The following SERPINF1 variants were observed in gnomAD, a reference collection of about 807,000 sequenced individuals.
SERPINF1 encodes the protein serpin family F member 1.
SERPINF1 carries 29 observed loss-of-function variants against 37.3 expected under a neutral mutation model. The ratio of observed to expected loss-of-function variants is 0.78; its 90% CI spans 0.58 to 1.06. The LOEUF is 1.06. SERPINF1 is among the 50% of genes least tolerant of loss of function. The pLI, the probability that SERPINF1 is intolerant of heterozygous loss-of-function variation, is 0.00. For synonymous variants in SERPINF1, 281 were observed against 227.9 expected (o/e 1.23, Z -2.10); for missense variants, 553 against 532.2 (o/e 1.04, Z -0.38).
At chr17:1,776,914 C>T (rs984811535) in intron 7 of SERPINF1, among the ~76,000 whole-genome samples, 172 bp downstream of exon 7, 1 of 151,494 alleles carries the variant, frequency 6.6e-6, no homozygotes, top group Non-Finnish European at 1.5e-5. Flanking sequence ...CTTCTCTCAT[C>T]AGACTCATTC....
In SERPINF1 at chr17:1,769,408, CA is replaced by C. The variant is rs36107647; in HGVS notation, c.85-428del. ...TGAGCGACAGAGCGAGACTCCGTCT[CA>C]AAAAAAAAAAAAAAAGTGGGTCATA... On this transcript the variant is annotated intron_variant, in intron 2 of 7. Transcript: ENST00000254722. Among the ~76,000 whole-genome samples the C allele has an allele frequency of 1.1e-3, 131 of 120,538 alleles. 1 individual carries two copies. The highest frequency in any genetic ancestry group is 2.2e-3 in the South Asian group (8 of 3,580). The allele number at this position is 120,538 out of a possible 152,430, so 79.1% of individuals were successfully genotyped here.
At position 1,773,931 on chromosome 17, in the gene SERPINF1, C is replaced by T. The variant is rs544506597; in HGVS notation, c.644-1127C>T. On this transcript the variant is annotated intron_variant, in intron 5 of 7. Transcript: ENST00000254722. ...GCGGCCCCCGAGCCTGGACAAAATC[C>T]AAACGGCTTCCTACTTCAAGCACTG... is the stretch of plus-strand genomic sequence containing the variant. Among the ~76,000 whole-genome samples, 7 of 152,280 alleles carry T rather than the reference C, an allele frequency of 4.6e-5. No homozygotes were observed. The East Asian group carries it at 1.4e-3, about 29-fold the overall frequency.
At chr17:1,767,794 G>T (rs949771458) in intron 2 of SERPINF1, among the ~76,000 whole-genome samples, 2 of 152,200 alleles carry the variant, frequency 1.3e-5, no homozygotes, top group African/African-American at 2.4e-5. Flanking sequence ...CTCAGTCTTT[G>T]CTTCCTTGCC....
At chr17:1,767,357 G>A (rs564442531) in intron 2 of SERPINF1, among the ~76,000 whole-genome samples, 2 of 152,268 alleles carry the variant, frequency 1.3e-5, no homozygotes, top group Admixed American at 1.3e-4. Context: ...GGTCAGGCTG[G>A]TCTCGAACTC....
At chr17:1,770,780 G>C (rs936724422) in intron 3 of SERPINF1, 2 of 482,026 alleles carry the variant, frequency 4.1e-6, no homozygotes, top group Non-Finnish European at 3.8e-6. Flanking sequence ...TAAGGGCTAT[G>C]ATGGGAGAAG....
intron 3 of SERPINF1, 193 bp from the exon 4 acceptor site, chr17:1,770,836 C>T (rs887547840): frequency 1.5e-5 from 10 of 654,742 alleles, no homozygotes; most frequent in African/African-American, 3.5e-5. Context: ...CCTTCCAGGC[C>T]TGATGCCTTT....
rs5008943 is a variant in SERPINF1 at position 1,772,157 on chromosome 17, T to C, written c.643+82T>C. 995,108 of 1,424,552 alleles carry C rather than the reference T, an allele frequency of 0.7. 350,615 individuals carry two copies. The highest frequency in any genetic ancestry group is 0.81 in the East Asian group (32,516 of 40,292). The allele number at this position is 1,424,552 out of a possible 1,614,324, so 88.2% of individuals were successfully genotyped here. ...AATTCGATGGAGTCTTACTCTGTAG[T>C]CCTAACTGGAGTGCAGTGGTGCGAT... On this transcript the variant is annotated intron_variant, in intron 5 of 7. Coordinates refer to ENST00000254722, the MANE Select transcript of SERPINF1 (RefSeq NM_002615.7).
At chr17:1,766,431 C>T (rs188429229) in intron 1 of SERPINF1, 1,750 of 152,302 alleles carry the variant, frequency 0.011, 35 homozygotes, top group African/African-American at 0.039. Flanking sequence ...TGGCAGGTGC[C>T]TGTAATTCCA....
In SERPINF1 at chr17:1,776,550, A is replaced by C. The variant is rs1401899879; in HGVS notation, c.805A>C (p.Thr269Pro). Residue 269 changes from threonine to proline, a missense_variant, in exon 7 of 8, where the codon ACC (threonine) becomes CCC (proline). Coordinates refer to ENST00000254722, the MANE Select transcript of SERPINF1 (RefSeq NM_002615.7). Reference protein sequence around the residue: ...LSCKIAQLPLTGSMSIIFFLP... With the variant: ...LSCKIAQLPLPGSMSIIFFLP... ...GTCTCAGATTGCCCAGCTGCCCTTG[A>C]CCGGAAGCATGAGTATCATCTTCTT... The C allele has an allele frequency of 6.2e-7, 1 of 1,613,946 alleles. No individual in the cohort carries two copies. Among genetic ancestry groups the C allele is most frequent in the South Asian group, 1.1e-5 (1 of 91,064 alleles).
In SERPINF1 at chr17:1,776,336, T is replaced by C. The variant is rs1382427854; in HGVS notation, c.787-196T>C. 2.7e-5 allele frequency: 17 copies of C among 633,052 alleles called. 1 individual carries two copies. In the South Asian group the frequency reaches 2.7e-4, roughly 10 times the overall value. 39.2% of individuals were successfully genotyped at this position (633,052 alleles called of 1,614,324 possible). On this transcript the variant is annotated intron_variant, in intron 6 of 7. Coordinates refer to ENST00000254722, the MANE Select transcript of SERPINF1 (RefSeq NM_002615.7). ...AAGGTAAGAAAGGCCAACAGCATCCTTTCTGAAGAAACCTCAGGAGATGGC... is the reference window on the plus strand; with the variant it reads ...AAGGTAAGAAAGGCCAACAGCATCCCTTCTGAAGAAACCTCAGGAGATGGC...
intron 4 of SERPINF1, chr17:1,771,594 A>C: frequency 2.0e-6 from 1 of 499,768 alleles, no homozygotes; most frequent in Non-Finnish European, 3.6e-6. Flanking sequence ...GGTGTGGAGG[A>C]AGGGCCCGTG....
At chr17:1,765,564 C>T (rs1253266241) in intron 1 of SERPINF1, among the ~76,000 whole-genome samples, 4 of 151,938 alleles carry the variant, frequency 2.6e-5, no homozygotes, top group African/African-American at 9.6e-5. Flanking sequence ...TCAGGCTATC[C>T]GCCTGCCTCA....
intron 6 of SERPINF1, among the ~76,000 whole-genome samples, chr17:1,775,792 C>T (rs1219552257): frequency 6.6e-6 from 1 of 152,186 alleles, no homozygotes; most frequent in Non-Finnish European, 1.5e-5. Flanking sequence ...CCTCGGTCTC[C>T]CAAAACACAG....
chr17:1,773,794 T>C (rs893666341), intron 5 of SERPINF1, among the ~76,000 whole-genome samples: 2 of 151,986 alleles, frequency 1.3e-5, no homozygotes, highest in African/African-American at 4.8e-5. Flanking sequence ...ACGGGTCTTG[T>C]GTGGGGCCAG....
rs1367785058 is a variant in SERPINF1, at chr17:1,777,221, C to T, written c.1032C>T (p.Ser344=). The change falls in exon 8 of 8, where the codon AGC becomes AGT. Residue 344 remains serine (S), a synonymous_variant. Transcript: ENST00000254722. ...CCTTGTTTGATTCACCAGACTTTAG[C>T]AAGATCACAGGCAAACCCATCAAGC... ...LQSLFDSPDF[S]KITGKPIKLT... 29 of 1,614,008 alleles carry T rather than the reference C, an allele frequency of 1.8e-5. No individual in the cohort carries two copies. Among genetic ancestry groups the T allele is most frequent in the Non-Finnish European group, 2.3e-5 (27 of 1,180,046 alleles).
intron 1 of SERPINF1, among the ~76,000 whole-genome samples, chr17:1,764,809 G>C (rs1907270491): frequency 6.6e-6 from 1 of 151,922 alleles, no homozygotes; most frequent in Non-Finnish European, 1.5e-5. Flanking sequence ...CCAGGGCAGG[G>C]GAGACAACGC....
In SERPINF1 at chr17:1,772,033, G is replaced by A. The variant is rs137997656; in HGVS notation, c.601G>A (p.Asp201Asn). Residue 201 changes from aspartate (D) to asparagine (N), a missense_variant, in exon 5 of 8, where the codon GAT (aspartate) becomes AAT (asparagine). Physicochemically the swap from Asp to Asn is conservative, Grantham distance 23. Transcript: ENST00000254722. ...KLARSTKEIPDEISILLLGVA... is the reference protein window; with the variant it reads ...KLARSTKEIPNEISILLLGVA... ...CGCCAGGTCCACAAAGGAAATTCCC[G>A]ATGAGATCAGCATTCTCCTTCTCGG... The A allele has an allele frequency of 1.2e-4, 189 of 1,613,944 alleles. No individual in the cohort carries two copies. The African/African-American group carries it at 2.2e-3, about 19-fold the overall frequency.
Position 1,777,486 on chromosome 17 carries a change from G to A in SERPINF1, c.*40G>A, listed in dbSNP as rs746991138. On this transcript the variant is annotated 3_prime_UTR_variant, in exon 8 of 8. Transcript: ENST00000254722. The stretch of plus-strand genomic sequence containing the variant: ...ATTCCAATACCCTAGAAGAAAACCC[G>A]AGGGACAGCAGATTCCACAGGACAC... 7.4e-6 allele frequency: 12 copies of A among 1,613,336 alleles called. No homozygotes were observed. The highest frequency in any genetic ancestry group is 6.6e-5 in the South Asian group (6 of 91,008).
intron 1 of SERPINF1, among the ~76,000 whole-genome samples, chr17:1,765,971 G>A (rs1331682609): frequency 1.3e-5 from 2 of 152,184 alleles, no homozygotes; most frequent in Non-Finnish European, 2.9e-5. Context: ...AGGGAACTGT[G>A]GGAGAAGGGA....
Sources: allele counts gnomAD v4.1 joint callset (sites outside exome capture counted in the v4.1 genomes callset), GRCh38; gene constraint gnomAD v4.1.1; transcripts MANE v1.5; gene names NCBI Gene and HGNC (gene_info 2026-07-23, HGNC 2026-07-21).